Variants in MRPS35 observed in about 807,000 individuals in gnomAD.
The protein encoded by MRPS35 is small ribosomal subunit protein mS35.
A neutral mutation model predicts 32.7 loss-of-function variants in MRPS35; 29 were observed. That is an observed-to-expected ratio of 0.89 (90% CI 0.66 to 1.21). MRPS35 has a LOEUF of 1.21. MRPS35 is among the 50% of genes most tolerant of loss of function. The pLI, the probability that MRPS35 is intolerant of heterozygous loss-of-function variation, is 0.00. For missense variants in MRPS35, 373 were observed against 383.8 expected (o/e 0.97, Z 0.23); for synonymous variants, 148 against 139.3 (o/e 1.06, Z -0.44).
intron 7 of MRPS35, among the ~76,000 whole-genome samples, chr12:27,751,576 C>G (rs1030683672): frequency 6.6e-5 from 10 of 152,182 alleles, no homozygotes; most frequent in Admixed American, 6.5e-4. Flanking sequence ...TGCGGCTTCC[C>G]AGAAGGCTCT....
chr12:27,748,516 G>A (rs2061989011), intron 7 of MRPS35, among the ~76,000 whole-genome samples: 1 of 151,284 alleles, frequency 6.6e-6, no homozygotes, highest in South Asian at 2.1e-4. Context: ...ATATTTAATG[G>A]TCAAAGCATT....
At chr12:27,732,935 G>A in intron 5 of MRPS35, among the ~76,000 whole-genome samples, 1 of 125,880 alleles carries the variant, frequency 7.9e-6, no homozygotes, top group Admixed American at 8.5e-5. Context: ...CACAAGTTTA[G>A]ACATTTCCGA....
intron 7 of MRPS35, among the ~76,000 whole-genome samples, chr12:27,751,427 G>C (rs1427223454): frequency 6.6e-6 from 1 of 152,198 alleles, no homozygotes; most frequent in Non-Finnish European, 1.5e-5. Context: ...CTGTAGGCAG[G>C]TGAAAGATAG....
At chr12:27,749,079 A>T (rs2061991473) in intron 7 of MRPS35, among the ~76,000 whole-genome samples, 1 of 152,172 alleles carries the variant, frequency 6.6e-6, no homozygotes, top group African/African-American at 2.4e-5. Flanking sequence ...CGGATTTAAG[A>T]TGTACACCAA....
chr12:27,755,043 G>T, intron 7 of MRPS35, 138 bp from the exon 8 acceptor site: 1 of 942,800 alleles, frequency 1.1e-6, no homozygotes, highest in South Asian at 1.9e-5. Flanking sequence ...GTTGGCCAGG[G>T]CCTCTCCACA....
intron 7 of MRPS35, among the ~76,000 whole-genome samples, chr12:27,743,216 A>C (rs542916174): frequency 1.2e-4 from 18 of 152,032 alleles, no homozygotes; most frequent in African/African-American, 3.9e-4. Context: ...TCAAATATCA[A>C]GTGCACTTTC....
chr12:27,714,833 T>C lies in MRPS35; in HGVS notation c.153+13T>C, dbSNP rs746386292. The stretch of plus-strand genomic sequence containing the variant: ...ACCAAGAAGAAAGGTAAAAAGTTCG[T>C]ATACTCTACTATCTTAATGGTTTCT... On this transcript the variant is annotated intron_variant, in intron 2 of 7. Transcript: ENST00000081029. 3 of 1,605,652 alleles carry C rather than the reference T, an allele frequency of 1.9e-6. No individual in the cohort carries two copies. The highest frequency in any genetic ancestry group is 2.7e-5 in the African/African-American group (2 of 74,774).
chr12:27,752,554 G>A (rs574120784), intron 7 of MRPS35, among the ~76,000 whole-genome samples: 4 of 152,270 alleles, frequency 2.6e-5, no homozygotes, highest in Non-Finnish European at 2.9e-5. Context: ...TGGAGTGACC[G>A]TTTTACTTAA....
Position 27,710,890 on chromosome 12 carries a change from C to T in MRPS35, c.47C>T (p.Ala16Val). 9.3e-6 allele frequency: 15 copies of T among 1,612,608 alleles called. No individual in the cohort carries two copies. Among genetic ancestry groups the T allele is most frequent in the Non-Finnish European group, 1.2e-5 (14 of 1,179,906 alleles). Residue 16 changes from alanine to valine, a missense_variant, in exon 1 of 8, where the codon GCA becomes GTA. Coordinates refer to ENST00000081029, the MANE Select transcript of MRPS35 (RefSeq NM_021821.4). ...LPAWLSLQSR[A>V]RTLRAFSTAV... Reference sequence around the variant, plus strand: ...GCATGGCTGTCTCTGCAGTCGAGGGCAAGGACTCTGCGTGCATTCTCCACT... The same window carrying T: ...GCATGGCTGTCTCTGCAGTCGAGGGTAAGGACTCTGCGTGCATTCTCCACT...
At chr12:27,715,915 C>T (rs2061848377) in intron 2 of MRPS35, among the ~76,000 whole-genome samples, 1 of 152,072 alleles carries the variant, frequency 6.6e-6, no homozygotes, top group South Asian at 2.1e-4. Context: ...TACTTAACGC[C>T]CCCTCATGTA....
At chr12:27,727,125 T>A (rs576072739) in intron 5 of MRPS35, among the ~76,000 whole-genome samples, 156 of 152,126 alleles carry the variant, frequency 1.0e-3, no homozygotes, top group African/African-American at 3.6e-3. Flanking sequence ...CACGCCTGGC[T>A]AATTTTTTGT....
chr12:27,744,149 C>T (rs1295856466), intron 7 of MRPS35, among the ~76,000 whole-genome samples: 1 of 152,196 alleles, frequency 6.6e-6, no homozygotes, highest in African/African-American at 2.4e-5. Flanking sequence ...CACTAGAACA[C>T]CTGACTGCAG....
chr12:27,749,138 AT>A (rs10706615), intron 7 of MRPS35, among the ~76,000 whole-genome samples: 105,908 of 151,520 alleles, frequency 0.7, 37,575 homozygotes, highest in African/African-American at 0.82. Flanking sequence ...ATTATGGATG[AT>A]TTTTTTTTTC....
At chr12:27,723,996 A>G (rs778364514) in intron 4 of MRPS35, 51 bp from the exon 5 acceptor site, 7 of 1,584,618 alleles carry the variant, frequency 4.4e-6, no homozygotes, top group Non-Finnish European at 6.0e-6. Context: ...ATGCATTACA[A>G]TGAGAATTTA....
chr12:27,731,630 G>A lies in MRPS35; in HGVS notation c.523-3817G>A, dbSNP rs143480894. 2.0e-3 allele frequency among the ~76,000 whole-genome samples: 301 copies of A among 152,162 alleles called. 1 individual carries two copies. Among genetic ancestry groups the A allele is most frequent in the African/African-American group, 5.6e-3 (231 of 41,516 alleles). On this transcript the variant is annotated intron_variant, in intron 5 of 7. Transcript: ENST00000081029. ...GTTGCCCAGGCTGGAGTCCAGTGGC[G>A]CGATCTTGGCTTACTGCAACCTCTG...
At chr12:27,733,377 A>G (rs2061930362) in intron 5 of MRPS35, among the ~76,000 whole-genome samples, 1 of 152,194 alleles carries the variant, frequency 6.6e-6, no homozygotes, top group Non-Finnish European at 1.5e-5. Flanking sequence ...GTGATCTTAC[A>G]TTACACGTTG....
intron 6 of MRPS35, among the ~76,000 whole-genome samples, chr12:27,736,056 T>A (rs1426669198): frequency 1.3e-5 from 2 of 152,252 alleles, no homozygotes; most frequent in Non-Finnish European, 2.9e-5. Context: ...GCGTCATTTT[T>A]TATTTGAAGT....
At chr12:27,737,117 C>A (rs1039365773) in intron 6 of MRPS35, among the ~76,000 whole-genome samples, 1 of 152,172 alleles carries the variant, frequency 6.6e-6, no homozygotes, top group African/African-American at 2.4e-5. Flanking sequence ...CTCAAGCAAC[C>A]CTCCCACCTC....
intron 1 of MRPS35, 35 bp downstream of exon 1, chr12:27,710,990 G>T: frequency 3.2e-6 from 5 of 1,583,578 alleles, no homozygotes; most frequent in Non-Finnish European, 3.4e-6. Flanking sequence ...GGGCTTTGGG[G>T]GAGGTGCAAG....
Sources: gnomAD v4.1 joint callset for allele counts (sites outside exome capture counted in the v4.1 genomes callset) on GRCh38, gnomAD v4.1.1 for gene constraint, MANE v1.5 for transcripts, NCBI Gene and HGNC (gene_info 2026-07-23, HGNC 2026-07-21) for gene names.